NKIRAS1: variants seen among roughly 807,000 people sequenced by gnomAD.
NKIRAS1 encodes the protein NF-kappa-B inhibitor-interacting Ras-like protein 1.
Under a neutral mutation model 19.8 loss-of-function variants are expected in NKIRAS1, and 16 were observed. The observed-to-expected ratio is 0.81, with a 90% CI of 0.55 to 1.23. The LOEUF (loss-of-function observed/expected upper bound fraction) is 1.23. Among genes scored for constraint, NKIRAS1 ranks in the 50% most tolerant of loss-of-function variants. The pLI is 0.00. For synonymous variants in NKIRAS1, 88 were observed against 79.0 expected, an observed-to-expected ratio of 1.11 and a Z score of -0.61; for missense variants, 184 against 220.0, an observed-to-expected ratio of 0.84 and a Z score of 1.04.
chr3:23,915,832 CAA>C (rs962496674), intron 1 of NKIRAS1: 4 of 152,254 alleles, frequency 2.6e-5, no homozygotes, highest in African/African-American at 9.7e-5. Flanking sequence ...TACCTTCTCT[CAA>C]AGACTTAACC....
rs945456914 is a variant in NKIRAS1 at position 23,927,198 on chromosome 3, C to G, written c.-139-15748G>C. Among the ~76,000 whole-genome samples, 1 of 152,098 alleles carries G rather than the reference C, an allele frequency of 6.6e-6. No individual in the cohort carries two copies. The highest frequency in any genetic ancestry group is 2.4e-5 in the African/African-American group (1 of 41,380). On this transcript the variant is annotated intron_variant, in intron 1 of 4. Coordinates refer to the NKIRAS1 transcript ENST00000421515. This position sits in a 1 kb window ranked among gnomAD's most constrained non-coding sequence, Gnocchi z 4.0. ...AAATAAAGCCTTTTAGTATAAAATG[C>G]TGCTCAAGTTTTCTTTAGAAAAAGA...
chr3:23,910,874 C>T lies in NKIRAS1; in HGVS notation c.31G>A (p.Gly11Arg). The T allele has an allele frequency of 1.2e-6, 2 of 1,614,138 alleles. No individual in the cohort carries two copies. The highest frequency in any genetic ancestry group is 2.2e-5 in the South Asian group (2 of 91,088). Reference sequence around the variant, plus strand: ...GCAGTTTTCCCCACAGATAACAATCCACAAACCACAACCTTGCAGCCCTTT... The same window carrying T: ...GCAGTTTTCCCCACAGATAACAATCTACAAACCACAACCTTGCAGCCCTTT... The part of the protein sequence containing the change: MGKGCKVVVC[G>R]LLSVGKTAIL... The change falls in exon 3 of 5, where the codon GGA (glycine) becomes AGA (arginine). Residue 11 changes from glycine (G) to arginine (R), a missense_variant. Transcript: ENST00000425478.
At position 23,890,548 on chromosome 3, in the gene NKIRAS1, C is replaced by T; in HGVS notation, c.*2547G>A. ...GGAAGTATTGCCACTCAGTATATGA[C>T]CAACAGAGCAGAACATGACAGAATG... On this transcript the variant is annotated 3_prime_UTR_variant, in exon 5 of 5. Coordinates refer to ENST00000425478, the MANE Select transcript of NKIRAS1 (RefSeq NM_020345.4). The T allele has an allele frequency of 2.5e-6, 4 of 1,613,672 alleles. No individual in the cohort carries two copies. The highest frequency in any genetic ancestry group is 3.4e-6 in the Non-Finnish European group (4 of 1,179,836).
chr3:23,921,797 A>T, upstream of NKIRAS1: 1 of 564,388 alleles, frequency 1.8e-6, no homozygotes, highest in Non-Finnish European at 3.1e-6. Context: ...CTGGTCTCGA[A>T]CTCCTGACCT....
At chr3:23,937,991 T>G (rs925947249) in intron 1 of NKIRAS1, among the ~76,000 whole-genome samples, 1 of 152,058 alleles carries the variant, frequency 6.6e-6, no homozygotes, top group African/African-American at 2.4e-5. Flanking sequence ...AGAAACTGGG[T>G]CTATATCTGA....
At chr3:23,932,618 G>A (rs1456747188) in intron 1 of NKIRAS1, among the ~76,000 whole-genome samples, 3 of 151,374 alleles carry the variant, frequency 2.0e-5, no homozygotes, top group South Asian at 2.1e-4. Flanking sequence ...AACCCAGGAG[G>A]TGGAGGTTGT....
At position 23,890,206 on chromosome 3, in the gene NKIRAS1, T is replaced by A. The variant is rs1371276128; in HGVS notation, c.*2889A>T. On this transcript the variant is annotated 3_prime_UTR_variant, in exon 5 of 5. Transcript: ENST00000425478. ...AAGCCTTGACCGTTCCAGTCTCTAC[T>A]GAACTCAGCCTAACACATAAGAGTA... 6.6e-6 allele frequency among the ~76,000 whole-genome samples: 1 copy of A among 152,152 alleles called. No individual in the cohort carries two copies. The highest frequency in any genetic ancestry group is 1.5e-5 in the Non-Finnish European group (1 of 68,034).
rs1701582025 is a variant in NKIRAS1 at position 23,892,925 on chromosome 3, T to C, written c.*170A>G. ...ATTTCATATCAGGCAATAATAACCT[T>C]AGCCCAAATACTTTTAACATCTAAA... On this transcript the variant is annotated 3_prime_UTR_variant, in exon 5 of 5. Coordinates refer to ENST00000425478, the MANE Select transcript of NKIRAS1 (RefSeq NM_020345.4). The C allele has an allele frequency of 1.9e-6, 1 of 516,180 alleles. No individual in the cohort carries two copies. Among genetic ancestry groups the C allele is most frequent in the Non-Finnish European group, 3.2e-6 (1 of 311,004 alleles). 32.0% of individuals were successfully genotyped at this position (516,180 alleles called of 1,614,324 possible). A position where few individuals can be genotyped will look rare whatever the true frequency, so the allele number is the denominator to read the frequency against.
chr3:23,908,339 A>C (rs1047555945), intron 3 of NKIRAS1, among the ~76,000 whole-genome samples: 4 of 152,228 alleles, frequency 2.6e-5, no homozygotes, highest in Non-Finnish European at 5.9e-5. Context: ...TCACTTGTTA[A>C]GTTTTAGTGA....
upstream of NKIRAS1, chr3:23,919,891 G>GT (rs367621594): frequency 6.4e-4 from 631 of 993,570 alleles, 2 homozygotes; most frequent in African/African-American, 9.2e-3. Flanking sequence ...AAGTGGCTGC[G>GT]TTTTTTTTAG....
chr3:23,932,230 AG>A (rs1705331536), intron 1 of NKIRAS1, among the ~76,000 whole-genome samples: 1 of 152,162 alleles, frequency 6.6e-6, no homozygotes, highest in African/African-American at 2.4e-5. Flanking sequence ...CCTAGAAAAC[AG>A]GGCTCAATTA....
chr3:23,941,800 C>G (rs1229390860), intron 1 of NKIRAS1, among the ~76,000 whole-genome samples: 2 of 152,092 alleles, frequency 1.3e-5, no homozygotes, highest in African/African-American at 2.4e-5. Context: ...AAGAAGGCAG[C>G]CTCTAAAAAA....
At chr3:23,925,979 C>T (rs1705205057) in intron 1 of NKIRAS1, among the ~76,000 whole-genome samples, 1 of 152,192 alleles carries the variant, frequency 6.6e-6, no homozygotes, top group Non-Finnish European at 1.5e-5. Flanking sequence ...CCACGTTGGA[C>T]AGCACAGAAA....
chr3:23,945,180 C>CGGGA (rs1705607073), intron 1 of NKIRAS1: 2 of 22,646 alleles, frequency 8.8e-5, no homozygotes, highest in African/African-American at 1.8e-4. Context: ...GGGAAGCGGG[C>CGGGA]GGGAGGGAGG....
chr3:23,893,483 AC>A, intron 4 of NKIRAS1, 146 bp from the exon 5 acceptor site: 1 of 732,186 alleles, frequency 1.4e-6, no homozygotes, highest in South Asian at 1.9e-5. Flanking sequence ...TTAGGATTTC[AC>A]CTTACTCCTT....
At chr3:23,917,429 G>A (rs985619247), upstream of NKIRAS1, 1 of 154,438 alleles carries the variant, frequency 6.5e-6, no homozygotes, top group Admixed American at 6.5e-5. Flanking sequence ...GGGCGCCCGG[G>A]ACAAGGCAGC....
At chr3:23,895,555 C>A (rs1172299397) in intron 4 of NKIRAS1, among the ~76,000 whole-genome samples, 3 of 152,148 alleles carry the variant, frequency 2.0e-5, no homozygotes, top group African/African-American at 4.8e-5. Context: ...ACCATATTCA[C>A]CCGGCAAAAC....
intron 1 of NKIRAS1, among the ~76,000 whole-genome samples, chr3:23,913,891 T>G (rs1361806147): frequency 6.6e-6 from 1 of 152,150 alleles, no homozygotes; most frequent in Non-Finnish European, 1.5e-5. Flanking sequence ...TTCAACACTG[T>G]GATGCCATGA....
In NKIRAS1 at chr3:23,926,891, T is replaced by A. The variant is rs1016948659; in HGVS notation, c.-139-15441A>T. Among the ~76,000 whole-genome samples, 10 of 152,222 alleles carry A rather than the reference T, an allele frequency of 6.6e-5. No homozygotes were observed. In the East Asian group the frequency reaches 1.9e-3, roughly 29 times the overall value. On this transcript the variant is annotated intron_variant, in intron 1 of 4. Coordinates refer to the NKIRAS1 transcript ENST00000421515. The surrounding 1 kb of genome is among the most constrained non-coding windows in gnomAD (Gnocchi z 4.3). The stretch of plus-strand genomic sequence containing the variant: ...GAGAAGAAACAATTCTTTGGATTTG[T>A]CCTAGAAGGATCAAGCTGGCCTGAA...
Sources: allele counts gnomAD v4.1 joint callset (sites outside exome capture counted in the v4.1 genomes callset), GRCh38; gene constraint gnomAD v4.1.1; non-coding constraint Gnocchi (gnomAD v3.1); transcripts MANE v1.5; gene names NCBI Gene and HGNC (gene_info 2026-07-23, HGNC 2026-07-21).